AKT3: variants seen among roughly 807,000 people sequenced by gnomAD.
AKT3 encodes RAC-gamma serine/threonine-protein kinase.
A neutral mutation model predicts 65.3 loss-of-function variants in AKT3; 15 were observed. The ratio of observed to expected loss-of-function variants is 0.23; its 90% CI spans 0.15 to 0.35. The LOEUF (loss-of-function observed/expected upper bound fraction) is 0.35, where lower values mean the gene tolerates loss of function less well. Ranked by LOEUF, AKT3 falls within the 10% of genes least tolerant of loss-of-function variation. AKT3 has a pLI of 1.00. For missense variants in AKT3, 243 were observed against 576.5 expected, an observed-to-expected ratio of 0.42 and a Z score of 5.92; for synonymous variants, 206 against 183.8, an observed-to-expected ratio of 1.12 and a Z score of -0.98.
At chr1:243,770,977 T>C (rs887685132) in intron 2 of AKT3, among the ~76,000 whole-genome samples, 5 of 151,928 alleles carry the variant, frequency 3.3e-5, no homozygotes, top group African/African-American at 1.2e-4. Context: ...AAAAGATATA[T>C]GGGGGGAGGA....
intron 2 of AKT3, among the ~76,000 whole-genome samples, chr1:243,764,932 T>A (rs141253381): frequency 6.6e-6 from 1 of 152,114 alleles, no homozygotes; most frequent in Non-Finnish European, 1.5e-5. Context: ...TATTAATCAT[T>A]TAGCAACATT....
intron 2 of AKT3, among the ~76,000 whole-genome samples, chr1:243,705,372 T>C (rs960576614): frequency 1.3e-5 from 2 of 152,240 alleles, no homozygotes; most frequent in Non-Finnish European, 2.9e-5. Context: ...TTAGTACTTT[T>C]ATCTGCTTTA....
intron 2 of AKT3, among the ~76,000 whole-genome samples, chr1:243,731,244 T>G (rs891554369): frequency 6.6e-6 from 1 of 152,236 alleles, no homozygotes; most frequent in Non-Finnish European, 1.5e-5. Context: ...ATATATATTA[T>G]GTTGTTGTAG....
At chr1:243,621,779 A>G (rs1044919576) in intron 6 of AKT3, among the ~76,000 whole-genome samples, 4 of 152,136 alleles carry the variant, frequency 2.6e-5, no homozygotes, top group Non-Finnish European at 5.9e-5. Flanking sequence ...AGTTGCTTAG[A>G]CCAAACATCT....
At chr1:243,489,367 C>T (rs953508209) in intron 13 of AKT3, among the ~76,000 whole-genome samples, 3 of 152,200 alleles carry the variant, frequency 2.0e-5, no homozygotes, top group Non-Finnish European at 4.4e-5. Flanking sequence ...CAGACCCCGG[C>T]CCGCGAATCA....
intron 2 of AKT3, among the ~76,000 whole-genome samples, chr1:243,815,942 A>C (rs1693493787): frequency 6.6e-6 from 1 of 152,060 alleles, no homozygotes; most frequent in East Asian, 1.9e-4. Flanking sequence ...CTATTGCTAT[A>C]ATTACCCCCA....
chr1:243,850,869 C>T (rs1358621084), upstream of AKT3, among the ~76,000 whole-genome samples: 2 of 152,104 alleles, frequency 1.3e-5, no homozygotes, highest in Admixed American at 6.5e-5. Context: ...GTTTCCCCCT[C>T]GCCCGCGTGG....
At chr1:243,645,863 C>T (rs766019746) in intron 5 of AKT3, 30 bp downstream of exon 5, 12 of 1,560,936 alleles carry the variant, frequency 7.7e-6, no homozygotes, top group Admixed American at 1.9e-5. Flanking sequence ...CAAATGAATG[C>T]TGTGCTGGGA....
rs1691492393 is a variant in AKT3 at position 243,789,630 on chromosome 1, C to T, written c.46+53495G>A. Among the ~76,000 whole-genome samples the T allele has an allele frequency of 2.0e-5, 3 of 152,156 alleles. No individual in the cohort carries two copies. The South Asian group carries it at 6.2e-4, about 32-fold the overall frequency. On this transcript the variant is annotated intron_variant, in intron 2 of 13. Transcript: ENST00000673466. Reference sequence around the variant, plus strand: ...TTAATGCTGATATTCTGACCTCCTCCCATGATTCATGAATGTTCTTAATGG... The same window carrying T: ...TTAATGCTGATATTCTGACCTCCTCTCATGATTCATGAATGTTCTTAATGG...
At chr1:243,522,733 A>T (rs1670799474) in intron 12 of AKT3, among the ~76,000 whole-genome samples, 2 of 152,226 alleles carry the variant, frequency 1.3e-5, no homozygotes, top group Admixed American at 1.3e-4. Context: ...ACATACACAG[A>T]AAGGCTATAT....
intron 9 of AKT3, among the ~76,000 whole-genome samples, chr1:243,564,917 A>T (rs1674043761): frequency 6.6e-6 from 1 of 151,734 alleles, no homozygotes; most frequent in Admixed American, 6.6e-5. Flanking sequence ...CTCTGAAGTT[A>T]ATATCAAATT....
chr1:243,610,393 T>C (rs1005288152), intron 8 of AKT3, among the ~76,000 whole-genome samples: 1 of 152,194 alleles, frequency 6.6e-6, no homozygotes, highest in Non-Finnish European at 1.5e-5. Context: ...CTTAGAAAGC[T>C]AACACTTTGA....
chr1:243,488,628 C>G lies in AKT3; in HGVS notation c.*7-178G>C, dbSNP rs371887107. Among the ~76,000 whole-genome samples, 796 of 152,302 alleles carry G rather than the reference C, an allele frequency of 5.2e-3. 5 individuals carry two copies. Among genetic ancestry groups the G allele is most frequent in the African/African-American group, 0.018 (730 of 41,556 alleles). ...ACTTCAGTGTTTCCACGGCCCTCAC[C>G]CACTTCCCCAGCCGGGGCGGCCGTC... is the stretch of plus-strand genomic sequence containing the variant. On this transcript the variant is annotated intron_variant, in intron 13 of 13. Transcript: ENST00000336199.
At chr1:243,617,612 T>C (rs932379150) in intron 6 of AKT3, among the ~76,000 whole-genome samples, 3 of 152,136 alleles carry the variant, frequency 2.0e-5, no homozygotes, top group African/African-American at 7.2e-5. Context: ...TTATCCACTA[T>C]TGTCAACGGG....
chr1:243,616,931 T>C (rs982946495), intron 6 of AKT3, among the ~76,000 whole-genome samples: 5 of 152,208 alleles, frequency 3.3e-5, no homozygotes, highest in African/African-American at 1.2e-4. Flanking sequence ...TATCGTACTA[T>C]AGTTCCTAAG....
intron 6 of AKT3, among the ~76,000 whole-genome samples, chr1:243,635,776 A>G (rs1223905486): frequency 6.6e-6 from 1 of 152,084 alleles, no homozygotes; most frequent in Non-Finnish European, 1.5e-5. Context: ...TAACATCACC[A>G]GTAAAAAGAT....
chr1:243,583,545 AAAAAAAAAAAAG>A (rs1321108055), intron 8 of AKT3, among the ~76,000 whole-genome samples: 121 of 100,068 alleles, frequency 1.2e-3, no homozygotes, highest in East Asian at 4.5e-3. Context: ...AGTCTCAAAA[AAAAAAAAAAAAG>A]AAAAAAAAAA....
chr1:243,667,036 C>T (rs1558699570), intron 3 of AKT3, among the ~76,000 whole-genome samples: 2 of 152,152 alleles, frequency 1.3e-5, no homozygotes, highest in Non-Finnish European at 2.9e-5. Context: ...GAGTATCACA[C>T]AGCAAATCAC....
At chr1:243,600,231 C>G (rs1163669023) in intron 8 of AKT3, among the ~76,000 whole-genome samples, 1 of 152,036 alleles carries the variant, frequency 6.6e-6, no homozygotes, top group Non-Finnish European at 1.5e-5. Context: ...TGTCAATTCT[C>G]CCCAAATTGA....
Sources: gnomAD v4.1 joint callset for allele counts (sites outside exome capture counted in the v4.1 genomes callset) on GRCh38, gnomAD v4.1.1 for gene constraint, MANE v1.5 for transcripts, NCBI Gene and HGNC (gene_info 2026-07-23, HGNC 2026-07-21) for gene names.